TRIQK: variants seen among roughly 807,000 people sequenced by gnomAD.
TRIQK encodes triple QxxK/R motif containing.
In TRIQK, 10 loss-of-function variants were observed where a neutral mutation model predicts 10.8. The ratio of observed to expected loss-of-function variants is 0.92; its 90% CI spans 0.57 to 1.57. The LOEUF (loss-of-function observed/expected upper bound fraction) is 1.57, where lower values mean the gene tolerates loss of function less well. TRIQK is among the 40% of genes most tolerant of loss of function. The pLI is 0.00. For synonymous variants in TRIQK, 33 were observed against 33.7 expected (o/e 0.98, Z 0.07); for missense variants, 107 against 97.7 (o/e 1.09, Z -0.40).
At chr8:92,974,985 A>G (rs1017785323) in intron 1 of TRIQK, among the ~76,000 whole-genome samples, 3 of 152,190 alleles carry the variant, frequency 2.0e-5, no homozygotes, top group African/African-American at 7.2e-5. Context: ...CTTTGGTTTC[A>G]GGGTTCCATT....
intron 1 of TRIQK, among the ~76,000 whole-genome samples, chr8:92,990,782 GC>G (rs1813088155): frequency 6.6e-6 from 1 of 152,168 alleles, no homozygotes; most frequent in South Asian, 2.1e-4. Context: ...TCCCTTGGGT[GC>G]CTAGGCCAGG....
At chr8:92,993,793 T>C (rs555972401) in intron 1 of TRIQK, among the ~76,000 whole-genome samples, 1 of 152,336 alleles carries the variant, frequency 6.6e-6, no homozygotes, top group Non-Finnish European at 1.5e-5. Flanking sequence ...TTTAGTTCTT[T>C]ATGACTAGCC....
chr8:92,984,448 G>A (rs1813013488), intron 1 of TRIQK, among the ~76,000 whole-genome samples: 1 of 152,098 alleles, frequency 6.6e-6, no homozygotes, highest in African/African-American at 2.4e-5. Context: ...GTTGGACAGG[G>A]ATCTGAAAAG....
At chr8:92,947,033 G>A (rs1292930214) in intron 2 of TRIQK, among the ~76,000 whole-genome samples, 2 of 151,654 alleles carry the variant, frequency 1.3e-5, no homozygotes, top group East Asian at 2.0e-4. Context: ...CCAAAGTGCT[G>A]GGATTACAGG....
At chr8:92,890,139 G>A (rs1816690486) in intron 4 of TRIQK, among the ~76,000 whole-genome samples, 1 of 151,692 alleles carries the variant, frequency 6.6e-6, no homozygotes. Context: ...AAGAAACTTT[G>A]TTATTTAAAA....
upstream of TRIQK, among the ~76,000 whole-genome samples, chr8:92,966,495 C>T (rs984490114): frequency 6.6e-6 from 1 of 151,504 alleles, no homozygotes; most frequent in South Asian, 2.1e-4. Flanking sequence ...ATTGCCCATT[C>T]AAACAGCAAA....
intron 1 of TRIQK, among the ~76,000 whole-genome samples, chr8:92,988,092 G>C (rs1472007891): frequency 1.5e-5 from 2 of 134,406 alleles, no homozygotes; most frequent in African/African-American, 5.6e-5. Flanking sequence ...CTGCAAGCAA[G>C]CTCCGCCTCC....
At chr8:92,979,281 C>T (rs2130742725) in intron 1 of TRIQK, among the ~76,000 whole-genome samples, 1 of 152,212 alleles carries the variant, frequency 6.6e-6, no homozygotes, top group East Asian at 1.9e-4. Flanking sequence ...AATGTCAGAT[C>T]ACGTTATAGA....
chr8:92,916,830 G>T, intron 3 of TRIQK, 99 bp downstream of exon 3: 1 of 814,744 alleles, frequency 1.2e-6, no homozygotes, highest in Non-Finnish European at 1.7e-6. Flanking sequence ...ACATATTTCT[G>T]TGTATCATAT....
intron 1 of TRIQK, among the ~76,000 whole-genome samples, chr8:92,996,284 C>A (rs574759619): frequency 1.2e-3 from 188 of 152,106 alleles, no homozygotes; most frequent in Non-Finnish European, 2.0e-3. Context: ...AGTTTAAATT[C>A]TCTGGTCTCT....
intron 3 of TRIQK, among the ~76,000 whole-genome samples, chr8:92,913,807 A>G (rs1368946251): frequency 1.3e-5 from 2 of 152,178 alleles, no homozygotes; most frequent in Admixed American, 1.3e-4. Flanking sequence ...TAATGAGTTC[A>G]TGTCCTTTGC....
chr8:92,940,374 G>A (rs1333041612), intron 2 of TRIQK, among the ~76,000 whole-genome samples: 3 of 149,132 alleles, frequency 2.0e-5, no homozygotes, highest in Non-Finnish European at 4.4e-5. Context: ...TATACTGTCT[G>A]CAAGAGAATC....
intron 1 of TRIQK, among the ~76,000 whole-genome samples, chr8:92,987,091 A>G (rs1300877807): frequency 6.6e-6 from 1 of 152,200 alleles, no homozygotes; most frequent in Non-Finnish European, 1.5e-5. Flanking sequence ...TTCATTTCTT[A>G]TAATTTAACA....
chr8:92,966,684 T>C (rs528934623), upstream of TRIQK, among the ~76,000 whole-genome samples: 65 of 152,216 alleles, frequency 4.3e-4, no homozygotes, highest in African/African-American at 1.5e-3. Context: ...ATTCAAATAT[T>C]AAATGCTTTA....
At chr8:92,926,005 G>A (rs768811506) in intron 2 of TRIQK, among the ~76,000 whole-genome samples, 3 of 151,932 alleles carry the variant, frequency 2.0e-5, no homozygotes, top group Non-Finnish European at 2.9e-5. Flanking sequence ...GTGTGAACCC[G>A]GGAGGCAGAG....
intron 1 of TRIQK, among the ~76,000 whole-genome samples, chr8:92,977,224 T>C (rs1470490749): frequency 6.6e-6 from 1 of 152,050 alleles, no homozygotes; most frequent in East Asian, 1.9e-4. Context: ...TATGTTTCAT[T>C]TATTTTTGAA....
intron 2 of TRIQK, among the ~76,000 whole-genome samples, chr8:92,935,248 T>C (rs1033933665): frequency 1.3e-4 from 20 of 151,754 alleles, no homozygotes; most frequent in Non-Finnish European, 2.8e-4. Context: ...AATATACTTT[T>C]GAATAAACTG....
At chr8:92,896,658 G>A (rs1211035092) in intron 3 of TRIQK, among the ~76,000 whole-genome samples, 1 of 152,126 alleles carries the variant, frequency 6.6e-6, no homozygotes, top group African/African-American at 2.4e-5. Context: ...GGGACATGGA[G>A]TCAAAGGATA....
intron 2 of TRIQK, among the ~76,000 whole-genome samples, chr8:92,923,372 T>C (rs1471340808): frequency 6.6e-6 from 1 of 151,726 alleles, no homozygotes. Context: ...ATAACAGACT[T>C]ATATTAGCAT....
Sources: gnomAD v4.1 joint callset for allele counts (sites outside exome capture counted in the v4.1 genomes callset) on GRCh38, gnomAD v4.1.1 for gene constraint, MANE v1.5 for transcripts, NCBI Gene and HGNC (gene_info 2026-07-23, HGNC 2026-07-21) for gene names.